Variants in ADGRL3 observed in about 807,000 individuals in gnomAD.
The protein encoded by ADGRL3 is adhesion G protein-coupled receptor L3.
A neutral mutation model predicts 153.5 loss-of-function variants in ADGRL3; 62 were observed. The observed-to-expected ratio is 0.40, with a 90% CI of 0.33 to 0.50. The LOEUF is 0.50. Among genes scored for constraint, ADGRL3 ranks in the 20% least tolerant of loss-of-function variants. The pLI, the probability that ADGRL3 is intolerant of heterozygous loss-of-function variation, is 0.47. For missense variants in ADGRL3, 1,641 were observed against 1,859.4 expected, an observed-to-expected ratio of 0.88 and a Z score of 2.16; for synonymous variants, 710 against 672.5, an observed-to-expected ratio of 1.06 and a Z score of -0.86.
intron 4 of ADGRL3, among the ~76,000 whole-genome samples, chr4:61,535,106 T>A (rs1452009298): frequency 1.3e-4 from 1 of 7,442 alleles, no homozygotes; most frequent in Non-Finnish European, 2.7e-4. Context: ...ATTGAGGTAT[T>A]TTTTTTTATG....
At chr4:61,554,130 G>A (rs1465753229) in intron 4 of ADGRL3, among the ~76,000 whole-genome samples, 3 of 148,176 alleles carry the variant, frequency 2.0e-5, no homozygotes, top group Admixed American at 6.7e-5. Context: ...TTAAATATTG[G>A]ATCCTATTTG....
chr4:62,026,405 C>T (rs376986283), intron 21 of ADGRL3, among the ~76,000 whole-genome samples: 9 of 151,996 alleles, frequency 5.9e-5, no homozygotes, highest in African/African-American at 1.9e-4. Flanking sequence ...TCTCTGTGGA[C>T]GCTACTTCTA....
chr4:61,597,474 A>G (rs1421229534), intron 5 of ADGRL3, among the ~76,000 whole-genome samples: 3 of 152,112 alleles, frequency 2.0e-5, no homozygotes, highest in Non-Finnish European at 1.5e-5. Context: ...ATATTTTACT[A>G]TTACATATTA....
At chr4:61,658,052 G>T (rs2094490472) in intron 5 of ADGRL3, among the ~76,000 whole-genome samples, 1 of 152,130 alleles carries the variant, frequency 6.6e-6, no homozygotes, top group Non-Finnish European at 1.5e-5. Context: ...TTTTCCTAAA[G>T]TCAGTCCACC....
intron 24 of ADGRL3, among the ~76,000 whole-genome samples, chr4:62,038,779 T>C (rs918104503): frequency 2.0e-5 from 3 of 152,060 alleles, no homozygotes. Context: ...CAGATAATTT[T>C]TGTGTTTTTT....
At chr4:61,951,674 T>G (rs996898091) in intron 17 of ADGRL3, among the ~76,000 whole-genome samples, 1 of 152,072 alleles carries the variant, frequency 6.6e-6, no homozygotes, top group Admixed American at 6.6e-5. Context: ...GAGACCAGCC[T>G]CGGCAACATG....
intron 1 of ADGRL3, among the ~76,000 whole-genome samples, chr4:61,338,472 G>A (rs2095734201): frequency 6.6e-6 from 1 of 151,832 alleles, no homozygotes; most frequent in Non-Finnish European, 1.5e-5. Flanking sequence ...GGTGGCACAG[G>A]GATCTGCATG....
At chr4:61,963,052 G>T (rs531319735) in intron 17 of ADGRL3, among the ~76,000 whole-genome samples, 8 of 152,068 alleles carry the variant, frequency 5.3e-5, no homozygotes, top group African/African-American at 1.9e-4. Flanking sequence ...CACCCTAGAG[G>T]AAGTGACATC....
intron 1 of ADGRL3, among the ~76,000 whole-genome samples, chr4:61,347,997 T>G (rs2151268917): frequency 6.6e-6 from 1 of 152,240 alleles, no homozygotes; most frequent in East Asian, 1.9e-4. Flanking sequence ...GTTCATCATT[T>G]ATTAAAGGCA....
intron 9 of ADGRL3, among the ~76,000 whole-genome samples, chr4:61,875,894 A>G (rs1240865009): frequency 6.6e-6 from 1 of 152,144 alleles, no homozygotes; most frequent in Non-Finnish European, 1.5e-5. Context: ...TTTTACATAA[A>G]TTGAACCCAG....
At chr4:61,291,017 C>T (rs907758305) in intron 1 of ADGRL3, among the ~76,000 whole-genome samples, 11 of 151,984 alleles carry the variant, frequency 7.2e-5, no homozygotes, top group African/African-American at 2.7e-4. Context: ...AAATACTAAT[C>T]TTGACTGAAA....
rs931071774 is a variant in ADGRL3 at position 62,075,251 on chromosome 4, T to C, written c.*4343T>C. ...CAAAGACTGAAGGGCAGTGGCACAA[T>C]CCCAGCTCACTGCAGCCTCAGACTC... On this transcript the variant is annotated 3_prime_UTR_variant, in exon 27 of 27. Transcript: ENST00000683033. 6.6e-6 allele frequency: 1 copy of C among 152,182 alleles called. No individual in the cohort carries two copies. 9.4% of individuals were successfully genotyped at this position (152,182 alleles called of 1,614,324 possible).
intron 1 of ADGRL3, among the ~76,000 whole-genome samples, chr4:61,235,490 T>A (rs974607399): frequency 1.3e-5 from 2 of 152,016 alleles, no homozygotes; most frequent in Non-Finnish European, 1.5e-5. Context: ...CTTACAGAAG[T>A]GAGAAAGAAG....
At chr4:61,786,749 G>T (rs116412227) in intron 8 of ADGRL3, among the ~76,000 whole-genome samples, 1 of 152,052 alleles carries the variant, frequency 6.6e-6, no homozygotes, top group African/African-American at 2.4e-5. Context: ...ATGAGATTTT[G>T]TTCCAAAAAT....
intron 10 of ADGRL3, among the ~76,000 whole-genome samples, 184 bp from the exon 11 acceptor site, chr4:61,895,547 A>G (rs2098625400): frequency 1.3e-5 from 2 of 152,098 alleles, no homozygotes; most frequent in African/African-American, 2.4e-5. Context: ...AACATATTGT[A>G]TGTTTTTGTT....
At chr4:61,466,781 G>A (rs572772947) in intron 2 of ADGRL3, among the ~76,000 whole-genome samples, 7 of 152,108 alleles carry the variant, frequency 4.6e-5, no homozygotes, top group Non-Finnish European at 7.4e-5. Flanking sequence ...TTAATAAAAT[G>A]GGATTAAAAA....
At chr4:61,793,746 T>A (rs2097372442) in intron 8 of ADGRL3, among the ~76,000 whole-genome samples, 1 of 152,156 alleles carries the variant, frequency 6.6e-6, no homozygotes. Flanking sequence ...AAACGATAAG[T>A]TATAAAGTAT....
At chr4:61,465,198 C>G (rs901050810) in intron 2 of ADGRL3, among the ~76,000 whole-genome samples, 6 of 152,052 alleles carry the variant, frequency 3.9e-5, no homozygotes, top group African/African-American at 1.4e-4. Context: ...TCTTTAGGTA[C>G]ATTTAGTTTA....
intron 9 of ADGRL3, among the ~76,000 whole-genome samples, chr4:61,839,348 G>A (rs997275677): frequency 6.6e-5 from 10 of 151,736 alleles, no homozygotes; most frequent in Admixed American, 3.3e-4. Flanking sequence ...GCAACACCAT[G>A]CCCAGCTAAT....
Sources: gnomAD v4.1 joint callset for allele counts (sites outside exome capture counted in the v4.1 genomes callset) on GRCh38, gnomAD v4.1.1 for gene constraint, MANE v1.5 for transcripts, NCBI Gene and HGNC (gene_info 2026-07-23, HGNC 2026-07-21) for gene names.